The following LARGE1 variants were observed in gnomAD, a reference collection of about 807,000 sequenced individuals.
LARGE1 encodes xylosyl- and glucuronyltransferase LARGE1.
A neutral mutation model predicts 87.6 loss-of-function variants in LARGE1; 43 were observed. The observed-to-expected ratio is 0.49, with a 90% CI of 0.38 to 0.63. The LOEUF (loss-of-function observed/expected upper bound fraction) is 0.63, where lower values mean the gene tolerates loss of function less well. Among genes scored for constraint, LARGE1 ranks in the 30% least tolerant of loss-of-function variants. The probability of loss-of-function intolerance (pLI) is 0.00; values close to 1 mark genes in which losing one functional copy is unlikely to be tolerated. For synonymous variants in LARGE1, 434 were observed against 394.6 expected (o/e 1.10, Z -1.18); for missense variants, 802 against 1,000.2 (o/e 0.80, Z 2.67).
chr22:33,083,765 G>T, the LARGE1 span, among the ~76,000 whole-genome samples: 1 of 152,158 alleles, frequency 6.6e-6, no homozygotes, highest in South Asian at 2.1e-4. Flanking sequence ...CTTGAGAAAG[G>T]TCCCTGCCAC....
chr22:33,575,730 A>G (rs1300566419), intron 5 of LARGE1, among the ~76,000 whole-genome samples: 2 of 152,216 alleles, frequency 1.3e-5, no homozygotes, highest in Non-Finnish European at 2.9e-5. Flanking sequence ...CTAAGCAACC[A>G]TCTTCTGCAA....
At chr22:33,476,296 GTGACTATT>G (rs1473244367) in intron 6 of LARGE1, among the ~76,000 whole-genome samples, 1 of 152,202 alleles carries the variant, frequency 6.6e-6, no homozygotes, top group Non-Finnish European at 1.5e-5. Context: ...TAAGGCAAAA[GTGACTATT>G]TCTCCACCAC....
chr22:33,606,480 G>A (rs192394991), intron 4 of LARGE1, among the ~76,000 whole-genome samples: 2 of 151,288 alleles, frequency 1.3e-5, no homozygotes, highest in South Asian at 4.2e-4. Context: ...AGGGAGGTGT[G>A]GGGGGCAGGA....
chr22:33,740,750 T>C (rs2083851209), intron 2 of LARGE1, among the ~76,000 whole-genome samples: 1 of 152,210 alleles, frequency 6.6e-6, no homozygotes, highest in African/African-American at 2.4e-5. Context: ...CTTGAAGTCC[T>C]GCAACCTGCT....
At chr22:33,488,947 T>C (rs886275592) in intron 6 of LARGE1, among the ~76,000 whole-genome samples, 1 of 152,204 alleles carries the variant, frequency 6.6e-6, no homozygotes, top group Non-Finnish European at 1.5e-5. Context: ...CCTATCAAAG[T>C]CTTTGTCATG....
chr22:33,260,223 CCT>C (rs1473129275), intron 11 of LARGE1, among the ~76,000 whole-genome samples: 2 of 152,212 alleles, frequency 1.3e-5, no homozygotes, highest in Non-Finnish European at 2.9e-5. Context: ...TGGCGCTTCC[CCT>C]GTGGCCCTGT....
chr22:33,258,879 T>TTTTTTTC (rs1927462313), intron 11 of LARGE1, among the ~76,000 whole-genome samples: 1 of 59,080 alleles, frequency 1.7e-5, no homozygotes, highest in Non-Finnish European at 4.0e-5. Flanking sequence ...ATGTTTCTTC[T>TTTTTTTC]TTTTTTTTTT....
intron 1 of LARGE1, among the ~76,000 whole-genome samples, chr22:33,824,496 T>A (rs2213313): frequency 0.59 from 89,591 of 151,990 alleles, 28,233 homozygotes; most frequent in African/African-American, 0.82. Context: ...ATCACCTCCC[T>A]CCAAGCCCCT....
intron 1 of LARGE1, among the ~76,000 whole-genome samples, chr22:33,849,669 G>T (rs1362144706): frequency 7.3e-6 from 1 of 137,550 alleles, no homozygotes; most frequent in Non-Finnish European, 1.5e-5. Flanking sequence ...TGCGATCTTG[G>T]CTCACTGCAA....
At chr22:33,314,277 T>C (rs930024763) in intron 11 of LARGE1, among the ~76,000 whole-genome samples, 2 of 152,168 alleles carry the variant, frequency 1.3e-5, no homozygotes, top group South Asian at 2.1e-4. Context: ...CAAGTTCTTT[T>C]GGAGCCTGTG....
At chr22:33,158,629 G>C (rs1180925497), downstream of LARGE1, among the ~76,000 whole-genome samples, 1 of 152,096 alleles carries the variant, frequency 6.6e-6, no homozygotes, top group Non-Finnish European at 1.5e-5. Flanking sequence ...CTCTCCATGG[G>C]AATTGTAGGT....
At chr22:33,405,977 A>C (rs1436615760) in intron 7 of LARGE1, among the ~76,000 whole-genome samples, 2 of 152,246 alleles carry the variant, frequency 1.3e-5, no homozygotes, top group East Asian at 3.8e-4. Flanking sequence ...ATAGGAATGC[A>C]TTGCCATTTC....
At chr22:33,670,841 C>T (rs2081386205) in intron 2 of LARGE1, among the ~76,000 whole-genome samples, 1 of 152,144 alleles carries the variant, frequency 6.6e-6, no homozygotes, top group South Asian at 2.1e-4. Flanking sequence ...TGGTATTTTT[C>T]CCTTCAATTT....
At chr22:33,646,777 G>C (rs1401565072) in intron 3 of LARGE1, among the ~76,000 whole-genome samples, 1 of 152,148 alleles carries the variant, frequency 6.6e-6, no homozygotes, top group African/African-American at 2.4e-5. Context: ...GCCCAGGCTG[G>C]AGTGCAATGG....
chr22:33,232,831 T>C (rs1381989776), intron 11 of LARGE1, among the ~76,000 whole-genome samples: 2 of 152,130 alleles, frequency 1.3e-5, no homozygotes, highest in Admixed American at 1.3e-4. Flanking sequence ...TATGGACTCA[T>C]AAGTCCTTTA....
intron 6 of LARGE1, among the ~76,000 whole-genome samples, chr22:33,545,182 C>T (rs1371717021): frequency 6.6e-6 from 1 of 152,040 alleles, no homozygotes; most frequent in Admixed American, 6.6e-5. Context: ...CCTACTTAAT[C>T]TGCAAACTGG....
In LARGE1 at chr22:33,651,389, CAA is replaced by C. The variant is rs59002897; in HGVS notation, c.107-723_107-722del. On this transcript the variant is annotated intron_variant, in intron 2 of 14. Transcript: ENST00000397394. ...CCTGGGCCAGAGTGAGACTCCGTCTCAAAAAAAAAAAAAAAAAAAAAGAAAAA... is the reference window on the plus strand; with the variant it reads ...CCTGGGCCAGAGTGAGACTCCGTCTCAAAAAAAAAAAAAAAAAAAGAAAAA... 5.7e-3 allele frequency among the ~76,000 whole-genome samples: 311 copies of C among 54,300 alleles called. 1 individual carries two copies. Among genetic ancestry groups the C allele is most frequent in the African/African-American group, 0.024 (300 of 12,370 alleles). The allele number at this position is 54,300 out of a possible 152,430, so 35.6% of individuals were successfully genotyped here. A position where few individuals can be genotyped will look rare whatever the true frequency, so the allele number is the denominator to read the frequency against.
At chr22:33,157,872 T>C (rs996227327), downstream of LARGE1, among the ~76,000 whole-genome samples, 2 of 152,134 alleles carry the variant, frequency 1.3e-5, no homozygotes, top group Non-Finnish European at 2.9e-5. Context: ...TTTAGAGTGA[T>C]GAAAGGAAAT....
chr22:33,459,961 A>G (rs868031231), intron 6 of LARGE1, among the ~76,000 whole-genome samples: 1 of 152,226 alleles, frequency 6.6e-6, no homozygotes, highest in African/African-American at 2.4e-5. Flanking sequence ...ATGGGCACTG[A>G]TAAGTGCTAC....
Sources: allele counts gnomAD v4.1 joint callset (sites outside exome capture counted in the v4.1 genomes callset), GRCh38; gene constraint gnomAD v4.1.1; transcripts MANE v1.5; gene names NCBI Gene and HGNC (gene_info 2026-07-23, HGNC 2026-07-21).